Variants in SLC30A6 observed in about 807,000 individuals in gnomAD.
The protein encoded by SLC30A6 is zinc transporter 6.
Under a neutral mutation model 63.0 loss-of-function variants are expected in SLC30A6, and 55 were observed. The observed-to-expected ratio is 0.87, with a 90% CI of 0.70 to 1.09. SLC30A6 has a LOEUF of 1.09. SLC30A6 is among the 50% of genes least tolerant of loss of function. The probability of loss-of-function intolerance (pLI) is 0.00; values close to 1 mark genes in which losing one functional copy is unlikely to be tolerated. For missense variants in SLC30A6, 587 were observed against 549.2 expected (o/e 1.07, Z -0.69); for synonymous variants, 224 against 186.1 (o/e 1.20, Z -1.66).
intron 8 of SLC30A6, 68 bp from the exon 9 acceptor site, chr2:32,197,276 A>T (rs1363439459): frequency 1.5e-6 from 2 of 1,372,216 alleles, no homozygotes; most frequent in East Asian, 5.0e-5. Context: ...AAATTAAAGA[A>T]CTCAAATATT....
intron 13 of SLC30A6, among the ~76,000 whole-genome samples, chr2:32,217,968 TGA>T (rs1331057174): frequency 6.6e-6 from 1 of 152,076 alleles, no homozygotes; most frequent in African/African-American, 2.4e-5. Flanking sequence ...CCTGCGTAGC[TGA>T]GTAGCTGGCA....
rs146067341 is a variant in SLC30A6 at position 32,201,958 on chromosome 2, G to T, written c.666-2632G>T. 8.3e-3 allele frequency: 11,856 copies of T among 1,434,026 alleles called. 88 individuals are homozygous for T. Among genetic ancestry groups the T allele is most frequent in the Middle Eastern group, 0.017 (81 of 4,662 alleles). 88.8% of individuals were successfully genotyped at this position (1,434,026 alleles called of 1,614,324 possible). ...TGAAGAAGGATTTAATAGACTTTCA[G>T]ATGAATTCTCTAAATCTCATAAGTC... On this transcript the variant is annotated intron_variant, in intron 10 of 13. Transcript: ENST00000282587.
intron 13 of SLC30A6, 66 bp from the exon 14 acceptor site, chr2:32,220,147 T>C: frequency 9.3e-6 from 14 of 1,500,356 alleles, no homozygotes; most frequent in South Asian, 1.4e-5. Flanking sequence ...TAAAATGTTT[T>C]ATCTAATGAA....
chr2:32,174,869 A>G (rs921849583), intron 3 of SLC30A6, among the ~76,000 whole-genome samples: 2 of 152,166 alleles, frequency 1.3e-5, no homozygotes, highest in Non-Finnish European at 2.9e-5. Context: ...TGTTTTTAAT[A>G]TAATAGATTA....
chr2:32,189,586 C>T (rs2366737), intron 5 of SLC30A6, among the ~76,000 whole-genome samples: 11,158 of 146,568 alleles, frequency 0.076, 535 homozygotes, highest in Middle Eastern at 0.13. Context: ...CATGAGCCAC[C>T]GCACCCGGCC....
chr2:32,184,290 TA>T lies in SLC30A6; in HGVS notation c.238del (p.Ser80ValfsTer4). On this transcript the variant is annotated frameshift_variant, in exon 5 of 14. Transcript: ENST00000282587. LOFTEE classifies it high-confidence loss of function. ...FDLFSLMTCL[I>X]SYWVTLRKPS... ...TTACTTAGTTTAATGACATGTTTAATAAGTTACTGGGTAACATTGAGGAAAC... is the reference window on the plus strand; with the variant it reads ...TTACTTAGTTTAATGACATGTTTAATAGTTACTGGGTAACATTGAGGAAAC... The T allele has an allele frequency of 6.5e-7, 1 of 1,548,928 alleles. No individual in the cohort carries two copies. The highest frequency in any genetic ancestry group is 8.7e-7 in the Non-Finnish European group (1 of 1,143,314).
chr2:32,191,694 T>G (rs1241727553), intron 5 of SLC30A6, among the ~76,000 whole-genome samples: 1 of 152,172 alleles, frequency 6.6e-6, no homozygotes, highest in Non-Finnish European at 1.5e-5. Context: ...AAACAGTTAC[T>G]TTTCTTCTTC....
intron 11 of SLC30A6, 135 bp from the exon 12 acceptor site, chr2:32,206,751 C>G (rs1684809962): frequency 1.6e-6 from 1 of 636,710 alleles, no homozygotes; most frequent in East Asian, 2.8e-5. Flanking sequence ...TGAAACCTCT[C>G]TTCTCTAAAT....
At chr2:32,184,015 A>G (rs1682590058) in intron 4 of SLC30A6, among the ~76,000 whole-genome samples, 1 of 152,186 alleles carries the variant, frequency 6.6e-6, no homozygotes, top group Non-Finnish European at 1.5e-5. Context: ...TACTTTACTG[A>G]CTTGATGTAT....
At chr2:32,202,903 G>A (rs1347722386) in intron 10 of SLC30A6, 55 of 1,049,736 alleles carry the variant, frequency 5.2e-5, no homozygotes, top group South Asian at 3.8e-5. Context: ...TTGGCCATCC[G>A]GTGTCATTGG....
rs2148925651 is a variant in SLC30A6, at chr2:32,223,574, T to C, written c.*2861T>C. 2 of 152,348 alleles carry C rather than the reference T, an allele frequency of 1.3e-5. No homozygotes were observed. Among genetic ancestry groups the C allele is most frequent in the Middle Eastern group, 6.8e-3 (2 of 294 alleles). The allele number at this position is 152,348 out of a possible 1,614,324, so 9.4% of individuals were successfully genotyped here. A position where few individuals can be genotyped will look rare whatever the true frequency, so the allele number is the denominator to read the frequency against. On this transcript the variant is annotated 3_prime_UTR_variant, in exon 14 of 14. Transcript: ENST00000282587. Reference sequence around the variant, plus strand: ...ATGCCCAATTGCTAAACGGATGTTGTGCCCAGAATTTTATCTAGTGACTAC... The same window carrying C: ...ATGCCCAATTGCTAAACGGATGTTGCGCCCAGAATTTTATCTAGTGACTAC...
intron 13 of SLC30A6, 146 bp downstream of exon 13, chr2:32,209,707 A>G (rs373039515): frequency 4.9e-5 from 33 of 675,782 alleles, no homozygotes; most frequent in African/African-American, 9.3e-5. Flanking sequence ...CATGAATTCA[A>G]TTACCTAATT....
chr2:32,215,039 T>C (rs1248327394), intron 13 of SLC30A6, among the ~76,000 whole-genome samples: 1 of 152,248 alleles, frequency 6.6e-6, no homozygotes, highest in Non-Finnish European at 1.5e-5. Flanking sequence ...TTTTTCTGTA[T>C]TTTGTATTTC....
chr2:32,216,008 C>T (rs1685673293), intron 13 of SLC30A6, among the ~76,000 whole-genome samples: 1 of 152,186 alleles, frequency 6.6e-6, no homozygotes, highest in Non-Finnish European at 1.5e-5. Context: ...GTGAATAGTG[C>T]TGCAGTGAAC....
chr2:32,198,704 C>G (rs552642503), intron 10 of SLC30A6, among the ~76,000 whole-genome samples: 27 of 152,308 alleles, frequency 1.8e-4, no homozygotes, highest in African/African-American at 6.3e-4. Context: ...CTGCCTCAGC[C>G]TCCTGAGTAG....
intron 1 of SLC30A6, among the ~76,000 whole-genome samples, chr2:32,168,421 A>G (rs1558361689): frequency 6.9e-6 from 1 of 145,888 alleles, no homozygotes; most frequent in Non-Finnish European, 1.5e-5. Context: ...GAAAATATAA[A>G]TAATATAAAT....
intron 13 of SLC30A6, among the ~76,000 whole-genome samples, chr2:32,217,535 T>C (rs923920724): frequency 9.2e-5 from 14 of 152,230 alleles, no homozygotes; most frequent in African/African-American, 3.1e-4. Flanking sequence ...AGAATTTCTT[T>C]GGCTATTTGG....
intron 7 of SLC30A6, among the ~76,000 whole-genome samples, 174 bp from the exon 8 acceptor site, chr2:32,193,715 A>G (rs1023036373): frequency 6.6e-6 from 1 of 152,210 alleles, no homozygotes; most frequent in East Asian, 1.9e-4. Flanking sequence ...GCAACAGTAG[A>G]TGGGACATGG....
In SLC30A6 at chr2:32,209,552, T is replaced by G. The variant is rs140174805; in HGVS notation, c.876T>G (p.Phe292Leu). ...VRNEHFWTLGFGSLAGSVHVR... is the reference protein window; with the variant it reads ...VRNEHFWTLGLGSLAGSVHVR... ...ATGAACATTTTTGGACCCTAGGTTT[T>G]GGCTCATTGGTATGTTCTTTTACAT... Residue 292 changes from phenylalanine to leucine, a missense_variant, in exon 13 of 14, where the codon TTT becomes TTG. Phe to Leu is a conservative substitution (Grantham distance 22). Coordinates refer to ENST00000282587, the MANE Select transcript of SLC30A6 (RefSeq NM_017964.5). 4 of 1,612,416 alleles carry G rather than the reference T, an allele frequency of 2.5e-6. No individual in the cohort carries two copies. In the East Asian group the frequency reaches 8.9e-5, roughly 36 times the overall value.
Sources: gnomAD v4.1 joint callset for allele counts (sites outside exome capture counted in the v4.1 genomes callset) on GRCh38, gnomAD v4.1.1 for gene constraint, MANE v1.5 for transcripts, NCBI Gene and HGNC (gene_info 2026-07-23, HGNC 2026-07-21) for gene names.